Variants in GRB10 observed in about 807,000 individuals in gnomAD.
GRB10 encodes the protein growth factor receptor bound protein 10, also known as growth factor receptor-bound protein 10.
GRB10 carries 20 observed loss-of-function variants against 80.9 expected under a neutral mutation model. The ratio of observed to expected loss-of-function variants is 0.25; its 90% CI spans 0.17 to 0.36. The LOEUF is 0.36. GRB10 is among the 10% of genes least tolerant of loss of function. The pLI, the probability that GRB10 is intolerant of heterozygous loss-of-function variation, is 1.00. For missense variants in GRB10, 548 were observed against 747.7 expected (o/e 0.73, Z 3.12); for synonymous variants, 291 against 291.5 (o/e 1.00, Z 0.02).
At position 50,774,282 on chromosome 7, in the gene GRB10, C is replaced by A. The variant is rs113616498; in HGVS notation, c.-217+6345G>T. 8.3e-3 allele frequency among the ~76,000 whole-genome samples: 1,262 copies of A among 152,226 alleles called. 24 individuals are homozygous for A. The highest frequency in any genetic ancestry group is 0.028 in the African/African-American group (1,183 of 41,542). ...TTTGTTCTAAAATTGACTATGGTGG[C>A]GGTTGCACATAGCTGTGAATATATT... is the stretch of plus-strand genomic sequence containing the variant. On this transcript the variant is annotated intron_variant, in intron 2 of 18. Coordinates refer to ENST00000401949, the MANE Select transcript of GRB10 (RefSeq NM_001350814.2).
intron 7 of GRB10, among the ~76,000 whole-genome samples, chr7:50,637,562 G>T (rs112352924): frequency 8.6e-5 from 13 of 152,004 alleles, no homozygotes; most frequent in African/African-American, 3.1e-4. Flanking sequence ...ACAAACAAAT[G>T]GAAACACATC....
At chr7:50,648,357 A>C (rs559744937) in intron 7 of GRB10, among the ~76,000 whole-genome samples, 1 of 152,292 alleles carries the variant, frequency 6.6e-6, no homozygotes, top group South Asian at 2.1e-4. Flanking sequence ...GATGGGAACA[A>C]GTGGAATTGA....
chr7:50,665,395 GA>G (rs1192923619), intron 7 of GRB10, among the ~76,000 whole-genome samples: 1 of 152,224 alleles, frequency 6.6e-6, no homozygotes, highest in African/African-American at 2.4e-5. Flanking sequence ...AAGAAGTCTA[GA>G]AAGACAACTC....
chr7:50,733,711 C>T (rs2070306668), intron 3 of GRB10, among the ~76,000 whole-genome samples: 1 of 152,248 alleles, frequency 6.6e-6, no homozygotes, highest in South Asian at 2.1e-4. Context: ...CTCCGGCTCA[C>T]AGTCAGCCTG....
chr7:50,777,580 G>T (rs144061613), intron 2 of GRB10, among the ~76,000 whole-genome samples: 56 of 151,722 alleles, frequency 3.7e-4, no homozygotes, highest in African/African-American at 1.4e-3. Flanking sequence ...AGAGAGGACT[G>T]TATGAAAAAA....
chr7:50,655,816 T>C (rs557888055), intron 7 of GRB10, among the ~76,000 whole-genome samples: 51 of 152,358 alleles, frequency 3.3e-4, no homozygotes, highest in African/African-American at 1.2e-3. Context: ...AGGGTGCCTG[T>C]GCCTTCCTCA....
chr7:50,624,370 A>G (rs898466493), intron 8 of GRB10, among the ~76,000 whole-genome samples: 2 of 152,254 alleles, frequency 1.3e-5, no homozygotes, highest in African/African-American at 4.8e-5. Context: ...CAACGGGGAT[A>G]AAGCTGAGAT....
At chr7:50,606,046 G>A (rs1242992783) in intron 14 of GRB10, among the ~76,000 whole-genome samples, 2 of 152,174 alleles carry the variant, frequency 1.3e-5, no homozygotes, top group African/African-American at 2.4e-5. Context: ...TACCCCACAA[G>A]GCCAGAAGTT....
intron 5 of GRB10, among the ~76,000 whole-genome samples, chr7:50,690,191 G>A (rs190901558): frequency 3.9e-5 from 6 of 152,172 alleles, no homozygotes; most frequent in Non-Finnish European, 7.4e-5. Context: ...AGCTGCTCAG[G>A]AGGCTGAGGC....
chr7:50,739,629 T>C (rs2071388647), intron 3 of GRB10, among the ~76,000 whole-genome samples: 1 of 152,230 alleles, frequency 6.6e-6, no homozygotes, highest in African/African-American at 2.4e-5. Context: ...AAAACGCTTT[T>C]CATGACCTAC....
At chr7:50,644,405 C>T (rs2056823234) in intron 7 of GRB10, among the ~76,000 whole-genome samples, 1 of 152,172 alleles carries the variant, frequency 6.6e-6, no homozygotes, top group Admixed American at 6.5e-5. Context: ...GGACGTAGCA[C>T]CCGCTTCCAC....
At chr7:50,745,677 T>C (rs1472413252) in intron 3 of GRB10, among the ~76,000 whole-genome samples, 2 of 152,208 alleles carry the variant, frequency 1.3e-5, no homozygotes, top group African/African-American at 2.4e-5. Context: ...AGATGCTCTA[T>C]AAAACAGCCC....
Position 50,595,420 on chromosome 7 carries a change from A to T in GRB10, c.1638+17T>A. 1 of 1,318,204 alleles carries T rather than the reference A, an allele frequency of 7.6e-7. No individual in the cohort carries two copies. The highest frequency in any genetic ancestry group is 1.1e-6 in the Non-Finnish European group (1 of 910,028). The allele number at this position is 1,318,204 out of a possible 1,614,324, so 81.7% of individuals were successfully genotyped here. A position where few individuals can be genotyped will look rare whatever the true frequency, so the allele number is the denominator to read the frequency against. ...AAAACAAACCACAAGGACTGGTCTG[A>T]GAACATCAATACTTACAGGTAAGAT... is the stretch of plus-strand genomic sequence containing the variant. On this transcript the variant is annotated intron_variant, in intron 18 of 18. Transcript: ENST00000401949.
intron 3 of GRB10, among the ~76,000 whole-genome samples, chr7:50,744,687 G>A (rs1178793360): frequency 1.3e-5 from 2 of 152,142 alleles, no homozygotes; most frequent in Non-Finnish European, 2.9e-5. Flanking sequence ...CAAGACCCAC[G>A]AGAGGTCACT....
chr7:50,635,445 A>T (rs1332598545), intron 7 of GRB10, among the ~76,000 whole-genome samples: 2 of 152,118 alleles, frequency 1.3e-5, no homozygotes, highest in Non-Finnish European at 2.9e-5. Flanking sequence ...CAAATTAACA[A>T]CCCAATGTCA....
At chr7:50,653,684 C>T (rs1426628945) in intron 7 of GRB10, among the ~76,000 whole-genome samples, 5 of 152,214 alleles carry the variant, frequency 3.3e-5, no homozygotes, top group South Asian at 2.1e-4. Context: ...CTGGCCTCCC[C>T]GGGCTGGTGA....
In GRB10 at chr7:50,621,222, C is replaced by A. The variant is rs1035927428; in HGVS notation, c.662-1937G>T. On this transcript the variant is annotated intron_variant, in intron 8 of 18. Transcript: ENST00000401949. ...CTGGAAAGATCATGGGAAAGTTGCACATGGCAGTGTAAACACACAGGGGGA... is the reference window on the plus strand; with the variant it reads ...CTGGAAAGATCATGGGAAAGTTGCAAATGGCAGTGTAAACACACAGGGGGA... 4.1e-4 allele frequency among the ~76,000 whole-genome samples: 62 copies of A among 152,230 alleles called. 2 individuals are homozygous for A. Among genetic ancestry groups the A allele is most frequent in the Non-Finnish European group, 8.8e-5 (6 of 68,044 alleles).
chr7:50,730,588 A>G (rs918604358), intron 4 of GRB10, among the ~76,000 whole-genome samples: 2 of 152,222 alleles, frequency 1.3e-5, no homozygotes, highest in South Asian at 4.1e-4. Flanking sequence ...GGCCCTGAGA[A>G]GCAATGAGTA....
At chr7:50,708,288 CTTT>C (rs2065314375) in intron 4 of GRB10, among the ~76,000 whole-genome samples, 1 of 149,162 alleles carries the variant, frequency 6.7e-6, no homozygotes, top group Non-Finnish European at 1.5e-5. Context: ...AATGTACCTT[CTTT>C]AATTCAATAG....
Sources: allele counts gnomAD v4.1 joint callset (sites outside exome capture counted in the v4.1 genomes callset), GRCh38; gene constraint gnomAD v4.1.1; transcripts MANE v1.5; gene names NCBI Gene and HGNC (gene_info 2026-07-23, HGNC 2026-07-21).